COL19A1: variants seen among roughly 807,000 people sequenced by gnomAD.
COL19A1 encodes the protein collagen alpha-1(XIX) chain.
COL19A1 carries 159 observed loss-of-function variants against 190.2 expected under a neutral mutation model. The observed-to-expected ratio is 0.84, with a 90% CI of 0.73 to 0.95. The LOEUF (loss-of-function observed/expected upper bound fraction) is 0.95. Among genes scored for constraint, COL19A1 ranks in the 40% least tolerant of loss-of-function variants. The pLI is 0.00. For synonymous variants in COL19A1, 509 were observed against 458.9 expected (o/e 1.11, Z -1.39); for missense variants, 1,418 against 1,431.9 (o/e 0.99, Z 0.16).
At chr6:69,956,621 G>A (rs1324361888) in intron 9 of COL19A1, among the ~76,000 whole-genome samples, 3 of 152,050 alleles carry the variant, frequency 2.0e-5, no homozygotes, top group Non-Finnish European at 4.4e-5. Flanking sequence ...AGTCAGTAAT[G>A]TAGAGGTCAC....
intron 1 of COL19A1, among the ~76,000 whole-genome samples, chr6:69,876,565 C>G (rs1768144336): frequency 6.6e-6 from 1 of 152,058 alleles, no homozygotes; most frequent in African/African-American, 2.4e-5. Flanking sequence ...ATAATTTATT[C>G]CTAGTATTAT....
At chr6:70,187,143 G>C (rs560452192) in intron 46 of COL19A1, among the ~76,000 whole-genome samples, 1 of 152,234 alleles carries the variant, frequency 6.6e-6, no homozygotes, top group East Asian at 1.9e-4. Context: ...GCCTCCCAAA[G>C]TGCTGTGATT....
intron 16 of COL19A1, among the ~76,000 whole-genome samples, chr6:70,108,896 C>A (rs1047751910): frequency 9.2e-5 from 14 of 152,190 alleles, no homozygotes; most frequent in African/African-American, 2.9e-4. Context: ...CTGAAAGTTA[C>A]AATTATACAT....
At chr6:70,036,859 A>T (rs1459325731) in intron 14 of COL19A1, among the ~76,000 whole-genome samples, 2 of 152,132 alleles carry the variant, frequency 1.3e-5, no homozygotes, top group African/African-American at 4.8e-5. Flanking sequence ...AGGAATCTCA[A>T]AAACTGTGTG....
At chr6:70,121,633 G>T (rs1175861070) in intron 16 of COL19A1, among the ~76,000 whole-genome samples, 1 of 151,944 alleles carries the variant, frequency 6.6e-6, no homozygotes, top group Non-Finnish European at 1.5e-5. Context: ...CTGACCTTCT[G>T]GTAAAATGTT....
intron 14 of COL19A1, among the ~76,000 whole-genome samples, chr6:70,063,697 G>A (rs1341627839): frequency 3.3e-5 from 5 of 152,110 alleles, no homozygotes; most frequent in African/African-American, 1.2e-4. Flanking sequence ...CCAGGAGCTG[G>A]TTTTTTGAAA....
intron 6 of COL19A1, among the ~76,000 whole-genome samples, 181 bp from the exon 7 acceptor site, chr6:69,932,602 A>G (rs764756223): frequency 6.8e-4 from 104 of 152,100 alleles, no homozygotes; most frequent in Middle Eastern, 3.4e-3. Context: ...ATCCAACTCT[A>G]TGTCTCTCAA....
intron 14 of COL19A1, among the ~76,000 whole-genome samples, chr6:70,047,343 G>C (rs1326093463): frequency 6.6e-6 from 1 of 151,978 alleles, no homozygotes. Flanking sequence ...TAAAACCAAT[G>C]CTGAATAAGA....
At chr6:70,149,667 G>T in intron 27 of COL19A1, 37 bp from the exon 28 acceptor site, 1 of 1,608,632 alleles carries the variant, frequency 6.2e-7, no homozygotes, top group Non-Finnish European at 8.5e-7. Flanking sequence ...GGACATTCTT[G>T]GTGGAATTTT....
At chr6:69,917,314 ACAGTCTCATAAGGCCT>A (rs1002992646) in intron 4 of COL19A1, among the ~76,000 whole-genome samples, 2 of 152,170 alleles carry the variant, frequency 1.3e-5, no homozygotes, top group African/African-American at 2.4e-5. Flanking sequence ...GTGATATAGC[ACAGTCTCATAAGGCCT>A]CCACGTTAAG....
chr6:70,122,953 A>G (rs1255426077), intron 17 of COL19A1, among the ~76,000 whole-genome samples: 5 of 152,318 alleles, frequency 3.3e-5, no homozygotes, highest in Admixed American at 6.5e-5. Context: ...ATTTTAAATT[A>G]TCTCCTTTAT....
intron 14 of COL19A1, among the ~76,000 whole-genome samples, chr6:70,060,748 T>G (rs1186646219): frequency 2.0e-5 from 3 of 152,120 alleles, no homozygotes; most frequent in African/African-American, 7.2e-5. Context: ...TATAATTATT[T>G]CATTATATAT....
chr6:70,098,043 G>A (rs1783391238), intron 15 of COL19A1, among the ~76,000 whole-genome samples: 1 of 152,150 alleles, frequency 6.6e-6, no homozygotes, highest in African/African-American at 2.4e-5. Context: ...AGAAGTGAAA[G>A]CAAACATGCA....
chr6:70,178,917 A>C (rs1765990491), intron 42 of COL19A1, among the ~76,000 whole-genome samples: 1 of 152,146 alleles, frequency 6.6e-6, no homozygotes, highest in Non-Finnish European at 1.5e-5. Context: ...TCCGGTCAGC[A>C]TGCTCTCCCC....
chr6:70,119,663 C>A (rs1364772155), intron 16 of COL19A1, among the ~76,000 whole-genome samples: 2 of 152,132 alleles, frequency 1.3e-5, no homozygotes, highest in East Asian at 3.9e-4. Context: ...GACCTTGGAC[C>A]AGTTAAACAT....
At chr6:69,996,212 C>A (rs1277632524) in intron 11 of COL19A1, among the ~76,000 whole-genome samples, 1 of 152,078 alleles carries the variant, frequency 6.6e-6, no homozygotes, top group African/African-American at 2.4e-5. Flanking sequence ...TTGCTTCTAT[C>A]TGTTAAAAAT....
rs552739914 is a variant in COL19A1 at position 70,177,115 on chromosome 6, T to C, written c.2667+551T>C. Among the ~76,000 whole-genome samples, 8 of 152,294 alleles carry C rather than the reference T, an allele frequency of 5.3e-5. No individual in the cohort carries two copies. The South Asian group carries it at 1.5e-3, about 28-fold the overall frequency. On this transcript the variant is annotated intron_variant, in intron 42 of 50. Transcript: ENST00000620364. ...TCTCATCAAGGCCTTTTCAAATGAA[T>C]AGGAAGTGTTCCAGGAAAGGTTGAA...
intron 34 of COL19A1, among the ~76,000 whole-genome samples, chr6:70,161,628 C>T (rs1377490402): frequency 6.6e-6 from 1 of 152,096 alleles, no homozygotes; most frequent in Non-Finnish European, 1.5e-5. Context: ...GTACAGTGTA[C>T]ACTACTTGGG....
chr6:70,170,354 T>A (rs1198644267), intron 40 of COL19A1, among the ~76,000 whole-genome samples: 1 of 152,118 alleles, frequency 6.6e-6, no homozygotes, highest in Admixed American at 6.5e-5. Flanking sequence ...ACTTGAGAAG[T>A]CTTTTTGAGG....
Sources: allele counts gnomAD v4.1 joint callset (sites outside exome capture counted in the v4.1 genomes callset), GRCh38; gene constraint gnomAD v4.1.1; transcripts MANE v1.5; gene names NCBI Gene and HGNC (gene_info 2026-07-23, HGNC 2026-07-21).